PIGU: variants seen among roughly 807,000 people sequenced by gnomAD.
The protein encoded by PIGU is phosphatidylinositol glycan anchor biosynthesis class U.
A neutral mutation model predicts 49.9 loss-of-function variants in PIGU; 24 were observed. That is an observed-to-expected ratio of 0.48 (90% CI 0.35 to 0.68). The LOEUF is 0.68. PIGU is among the 30% of genes least tolerant of loss of function. PIGU has a pLI of 0.01. For missense variants in PIGU, 490 were observed against 532.6 expected, an observed-to-expected ratio of 0.92 and a Z score of 0.79; for synonymous variants, 220 against 205.7, an observed-to-expected ratio of 1.07 and a Z score of -0.59.
intron 7 of PIGU, among the ~76,000 whole-genome samples, chr20:34,596,444 T>C (rs1219647425): frequency 6.6e-6 from 1 of 152,194 alleles, no homozygotes; most frequent in Non-Finnish European, 1.5e-5. Flanking sequence ...TGCATAAATA[T>C]CAATTTATTT....
intron 7 of PIGU, among the ~76,000 whole-genome samples, chr20:34,603,535 T>A (rs1301907524): frequency 6.6e-6 from 1 of 152,168 alleles, no homozygotes; most frequent in Non-Finnish European, 1.5e-5. Context: ...TGGATTTAAA[T>A]ATATTTATGA....
At chr20:34,610,452 A>G (rs1414289557) in intron 7 of PIGU, among the ~76,000 whole-genome samples, 1 of 152,216 alleles carries the variant, frequency 6.6e-6, no homozygotes, top group Non-Finnish European at 1.5e-5. Flanking sequence ...ACGCCCATTC[A>G]CAATTGCTAC....
chr20:34,643,982 A>C (rs2146770122), intron 4 of PIGU, 182 bp downstream of exon 4: 1 of 489,972 alleles, frequency 2.0e-6, no homozygotes, highest in East Asian at 3.3e-5. Flanking sequence ...TTTATCTGTT[A>C]GTAAAGCTGT....
chr20:34,588,863 G>T (rs935057395), intron 7 of PIGU, among the ~76,000 whole-genome samples: 2 of 152,170 alleles, frequency 1.3e-5, no homozygotes, highest in African/African-American at 2.4e-5. Flanking sequence ...AATGGAGGAA[G>T]ATTCATTGCA....
chr20:34,577,259 T>C (rs1983273730), intron 10 of PIGU, among the ~76,000 whole-genome samples: 2 of 152,166 alleles, frequency 1.3e-5, no homozygotes, highest in Admixed American at 6.5e-5. Flanking sequence ...CTTCAGGAAA[T>C]CCCTTCTCCC....
At chr20:34,672,079 C>T (rs938670076) in intron 1 of PIGU, among the ~76,000 whole-genome samples, 25 of 152,086 alleles carry the variant, frequency 1.6e-4, no homozygotes, top group South Asian at 2.1e-4. Context: ...GCTGAGACTA[C>T]AGGTATGGGC....
At chr20:34,602,713 G>A (rs777272723) in intron 7 of PIGU, among the ~76,000 whole-genome samples, 5 of 152,110 alleles carry the variant, frequency 3.3e-5, no homozygotes, top group Non-Finnish European at 5.9e-5. Flanking sequence ...ACAAAATGCA[G>A]GAAATTACAT....
Position 34,636,941 on chromosome 20 carries a change from A to G in PIGU, c.428+935T>C, listed in dbSNP as rs540561077. ...TTACAAAGCTACCCCCAGGACACAC[A>G]TAAGTCCATAAGAGATTCATAAAGT... is the stretch of plus-strand genomic sequence containing the variant. On this transcript the variant is annotated intron_variant, in intron 5 of 11. Coordinates refer to ENST00000217446, the MANE Select transcript of PIGU (RefSeq NM_080476.5). 3.9e-5 allele frequency among the ~76,000 whole-genome samples: 6 copies of G among 152,344 alleles called. No individual in the cohort carries two copies. In the South Asian group the frequency reaches 6.2e-4, roughly 16 times the overall value.
intron 6 of PIGU, among the ~76,000 whole-genome samples, chr20:34,631,749 A>T (rs1340861911): frequency 9.0e-4 from 3 of 3,328 alleles, no homozygotes; most frequent in African/African-American, 4.3e-3. Context: ...ATATATATAT[A>T]TATATATATA....
chr20:34,674,157 A>C (rs1987410272), intron 1 of PIGU, among the ~76,000 whole-genome samples: 1 of 151,962 alleles, frequency 6.6e-6, no homozygotes, highest in Non-Finnish European at 1.5e-5. Context: ...GGAGTTTAAG[A>C]CCAGACTAGC....
At chr20:34,608,819 A>G (rs549010741) in intron 7 of PIGU, among the ~76,000 whole-genome samples, 4 of 152,288 alleles carry the variant, frequency 2.6e-5, no homozygotes, top group African/African-American at 9.6e-5. Context: ...CATGATTCAC[A>G]GGGAACTGAC....
At position 34,634,214 on chromosome 20, in the gene PIGU, G is replaced by A. The variant is rs373834303; in HGVS notation, c.529+401C>T. 4.9e-4 allele frequency among the ~76,000 whole-genome samples: 75 copies of A among 152,216 alleles called. No individual in the cohort carries two copies. In the South Asian group the frequency reaches 0.011, roughly 21 times the overall value. On this transcript the variant is annotated intron_variant, in intron 6 of 11. Coordinates refer to ENST00000217446, the MANE Select transcript of PIGU (RefSeq NM_080476.5). Reference sequence around the variant, plus strand: ...AGCCTCCCAAGTAGTTGGGACTACAGGTACATGCCACTGTGCCAGGCTAAT... The same window carrying A: ...AGCCTCCCAAGTAGTTGGGACTACAAGTACATGCCACTGTGCCAGGCTAAT...
At chr20:34,563,878 A>G (rs1480957824) in intron 11 of PIGU, among the ~76,000 whole-genome samples, 2 of 152,188 alleles carry the variant, frequency 1.3e-5, no homozygotes, top group African/African-American at 4.8e-5. Flanking sequence ...CGTGGCTAGC[A>G]TGTAACCCCA....
chr20:34,589,903 G>A (rs1390646224), intron 7 of PIGU, among the ~76,000 whole-genome samples: 2 of 150,802 alleles, frequency 1.3e-5, no homozygotes, highest in Admixed American at 6.6e-5. Context: ...TGATCTACCC[G>A]CCTTGGCCTC....
intron 6 of PIGU, among the ~76,000 whole-genome samples, chr20:34,632,576 A>G (rs1235742332): frequency 6.6e-6 from 1 of 152,088 alleles, no homozygotes; most frequent in Non-Finnish European, 1.5e-5. Flanking sequence ...CATCTTGACC[A>G]GGCTGGTCTT....
intron 5 of PIGU, among the ~76,000 whole-genome samples, chr20:34,636,151 T>TG (rs1329013561): frequency 6.6e-6 from 1 of 150,438 alleles, no homozygotes; most frequent in Non-Finnish European, 1.5e-5. Flanking sequence ...CAGTGAGCCG[T>TG]GACTGTACCA....
At position 34,626,405 on chromosome 20, in the gene PIGU, C is replaced by A. The variant is rs192648429; in HGVS notation, c.529+8210G>T. On this transcript the variant is annotated intron_variant, in intron 6 of 11. Coordinates refer to ENST00000217446, the MANE Select transcript of PIGU (RefSeq NM_080476.5). The stretch of plus-strand genomic sequence containing the variant: ...GCAACCTCCACCTCCCGGGTTCAAG[C>A]GATTCTCCTGCCTCAGCCTCCCGAG... Among the ~76,000 whole-genome samples, 5 of 151,182 alleles carry A rather than the reference C, an allele frequency of 3.3e-5. No individual in the cohort carries two copies. In the East Asian group the frequency reaches 9.7e-4, roughly 29 times the overall value.
intron 2 of PIGU, among the ~76,000 whole-genome samples, chr20:34,652,774 T>C (rs764265947): frequency 2.2e-4 from 33 of 152,194 alleles, no homozygotes; most frequent in Non-Finnish European, 4.4e-4. Context: ...TCTAGATATC[T>C]TTCTGGTATT....
Position 34,630,819 on chromosome 20 carries a change from T to C in PIGU, c.529+3796A>G, listed in dbSNP as rs368520414. On this transcript the variant is annotated intron_variant, in intron 6 of 11. Transcript: ENST00000217446. The stretch of plus-strand genomic sequence containing the variant: ...GTACCATCACACCGGGCTAAATTCC[T>C]TTTTTTGTAGAGACGAGGTCTCACT... Among the ~76,000 whole-genome samples the C allele has an allele frequency of 4.6e-5, 7 of 152,092 alleles. No homozygotes were observed. In the East Asian group the frequency reaches 5.8e-4, roughly 13 times the overall value.
Sources: gnomAD v4.1 joint callset for allele counts (sites outside exome capture counted in the v4.1 genomes callset) on GRCh38, gnomAD v4.1.1 for gene constraint, MANE v1.5 for transcripts, NCBI Gene and HGNC (gene_info 2026-07-23, HGNC 2026-07-21) for gene names.